Variants in COL4A4 observed in about 807,000 individuals in gnomAD.
COL4A4 encodes the protein collagen alpha-4(IV) chain.
In COL4A4, 105 loss-of-function variants were observed where a neutral mutation model predicts 192.9. The ratio of observed to expected loss-of-function variants is 0.54; its 90% CI spans 0.46 to 0.64. The LOEUF (loss-of-function observed/expected upper bound fraction) is 0.64, where lower values mean the gene tolerates loss of function less well. Among genes scored for constraint, COL4A4 ranks in the 30% least tolerant of loss-of-function variants. COL4A4 has a pLI of 0.00. For synonymous variants in COL4A4, 762 were observed against 769.9 expected (o/e 0.99, Z 0.17); for missense variants, 1,967 against 2,169.3 (o/e 0.91, Z 1.85).
At chr2:227,071,701 C>G (rs2058734170) in intron 25 of COL4A4, among the ~76,000 whole-genome samples, 1 of 152,086 alleles carries the variant, frequency 6.6e-6, no homozygotes, top group South Asian at 2.1e-4. Flanking sequence ...CAAGTATCTT[C>G]TCAGACCACA....
downstream of COL4A4, among the ~76,000 whole-genome samples, chr2:227,001,309 G>A (rs1960905252): frequency 6.6e-6 from 1 of 151,954 alleles, no homozygotes; most frequent in African/African-American, 2.4e-5. Context: ...TAGCCAGGAT[G>A]GTCTTGATCT....
intron 44 of COL4A4, among the ~76,000 whole-genome samples, chr2:227,020,383 C>T (rs140185439): frequency 9.9e-5 from 15 of 152,170 alleles, no homozygotes; most frequent in African/African-American, 3.6e-4. Flanking sequence ...TCTCACGGGC[C>T]GTTAAAAAAA....
At chr2:227,112,324 A>G (rs985019994) in intron 8 of COL4A4, among the ~76,000 whole-genome samples, 25 of 150,104 alleles carry the variant, frequency 1.7e-4, no homozygotes, top group Non-Finnish European at 3.1e-4. Flanking sequence ...GCTGGAGTGC[A>G]GTGGCGCCAT....
At chr2:227,107,142 T>C (rs1182782410) in intron 12 of COL4A4, among the ~76,000 whole-genome samples, 1 of 152,192 alleles carries the variant, frequency 6.6e-6, no homozygotes, top group East Asian at 1.9e-4. Context: ...TTGGTATATT[T>C]TCATTCAGTC....
the COL4A4 span, chr2:226,995,649 C>T: frequency 1.4e-6 from 1 of 698,516 alleles, no homozygotes; most frequent in Non-Finnish European, 2.5e-6. Flanking sequence ...CTCCAGATCG[C>T]TCACATCACC....
Position 227,017,866 on chromosome 2 carries a change from T to C in COL4A4, c.4216+4182A>G, listed in dbSNP as rs1289758310. Among the ~76,000 whole-genome samples, 4 of 152,284 alleles carry C rather than the reference T, an allele frequency of 2.6e-5. No homozygotes were observed. The East Asian group carries it at 7.7e-4, about 29-fold the overall frequency. ...TTGTTACATAGGTAAACTCATGTCA[T>C]GGAGGTTTGTTGTACTGATGATTAT... On this transcript the variant is annotated intron_variant, in intron 44 of 47. Transcript: ENST00000396625.
chr2:227,104,125 G>T, intron 12 of COL4A4, 73 bp from the exon 13 acceptor site: 1 of 1,241,546 alleles, frequency 8.1e-7, no homozygotes, highest in Non-Finnish European at 1.2e-6. Context: ...CATGTATTGT[G>T]GTATAATGCT....
chr2:227,047,344 G>A (rs542266805), intron 35 of COL4A4, 131 bp downstream of exon 35: 38 of 728,230 alleles, frequency 5.2e-5, no homozygotes, highest in Admixed American at 1.8e-4. Context: ...TATATAACCC[G>A]TTTTATCTAT....
intron 18 of COL4A4, among the ~76,000 whole-genome samples, chr2:227,099,092 A>G (rs2060362745): frequency 6.6e-6 from 1 of 152,118 alleles, no homozygotes; most frequent in African/African-American, 2.4e-5. Flanking sequence ...TTTTGTTTTC[A>G]GACGGAGTCT....
rs56247709 is a variant in COL4A4 at position 227,059,421 on chromosome 2, T to A, written c.2367A>T (p.Gly789=). 8.2e-3 allele frequency: 13,206 copies of A among 1,614,062 alleles called. 76 individuals carry two copies. The highest frequency in any genetic ancestry group is 0.01 in the Non-Finnish European group (11,870 of 1,179,948). The change falls in exon 28 of 48, where the codon GGA becomes GGT. Residue 789 remains glycine, a synonymous_variant. Transcript: ENST00000396625. ...CCCTCATACCTTCAGCCCCTGGACA[T>A]CCCGGATCACCTCTGGGTCCTTTTA... The part of the protein sequence containing the change: ...PGIKGPRGDP[G]CPGAEGPAGI...
At position 227,121,093 on chromosome 2, in the gene COL4A4, C is replaced by G. The variant is rs1559677316; in HGVS notation, c.248G>C (p.Gly83Ala). The change falls in exon 5 of 48, where the codon GGA (glycine) becomes GCA (alanine). Residue 83 changes from glycine to alanine, a missense_variant. Transcript: ENST00000396625. ...TTTCTCTCCTGAAAGCCCAATGGGTCCTGGGGCTCCCAGGGGTCCAATTGG... is the reference window on the plus strand; with the variant it reads ...TTTCTCTCCTGAAAGCCCAATGGGTGCTGGGGCTCCCAGGGGTCCAATTGG... ...QGPIGPLGAP[G>A]PIGLSGEKGM... 5 of 1,614,156 alleles carry G rather than the reference C, an allele frequency of 3.1e-6. No homozygotes were observed. The highest frequency in any genetic ancestry group is 4.2e-6 in the Non-Finnish European group (5 of 1,180,020).
chr2:227,105,251 C>A (rs560984587), intron 12 of COL4A4, among the ~76,000 whole-genome samples: 1 of 131,084 alleles, frequency 7.6e-6, no homozygotes, highest in Non-Finnish European at 1.5e-5. Context: ...GGCACAATGG[C>A]GCAATCTCAG....
chr2:227,045,873 TAC>T (rs372212981), intron 35 of COL4A4, among the ~76,000 whole-genome samples: 613 of 36,148 alleles, frequency 0.017, 34 homozygotes, highest in South Asian at 0.039. Context: ...CACATATATA[TAC>T]ATATATATGT....
rs1000693755 is a variant in COL4A4, at chr2:227,054,772, A to G, written c.2717-35T>C. The G allele has an allele frequency of 2.5e-6, 4 of 1,592,592 alleles. No homozygotes were observed. The African/African-American group carries it at 5.4e-5, about 22-fold the overall frequency. ...TGAGAGCATAAAGTTTTAGGAAAAT[A>G]TTTTATTTGTTATTTATTTTTTCAG... On this transcript the variant is annotated intron_variant, in intron 30 of 47. Transcript: ENST00000396625.
intron 34 of COL4A4, among the ~76,000 whole-genome samples, chr2:227,048,829 A>G (rs144703724): frequency 6.6e-6 from 1 of 152,360 alleles, no homozygotes; most frequent in African/African-American, 2.4e-5. Context: ...CCCCAAAGTT[A>G]TAAAATATCA....
At position 227,108,442 on chromosome 2, in the gene COL4A4, C is replaced by T. The variant is rs971597534; in HGVS notation, c.735+139G>A. 17 of 791,384 alleles carry T rather than the reference C, an allele frequency of 2.1e-5. No homozygotes were observed. The African/African-American group carries it at 2.4e-4, about 11-fold the overall frequency. The allele number at this position is 791,384 out of a possible 1,614,324, so 49.0% of individuals were successfully genotyped here. ...CAAGGGTAATGGTGCCATAATAATTCGGCAAAGAAAAGTTCTCAGCCATAA... is the reference window on the plus strand; with the variant it reads ...CAAGGGTAATGGTGCCATAATAATTTGGCAAAGAAAAGTTCTCAGCCATAA... On this transcript the variant is annotated intron_variant, in intron 12 of 47. Coordinates refer to ENST00000396625, the MANE Select transcript of COL4A4 (RefSeq NM_000092.5).
chr2:226,971,840 A>G, the COL4A4 span, among the ~76,000 whole-genome samples: 3 of 152,072 alleles, frequency 2.0e-5, no homozygotes, highest in African/African-American at 7.2e-5. Flanking sequence ...CCTTTCTTCA[A>G]AGCTCTAGAA....
intron 23 of COL4A4, 29 bp downstream of exon 23, chr2:227,082,086 C>A (rs762009038): frequency 1.3e-6 from 2 of 1,590,298 alleles, no homozygotes; most frequent in South Asian, 1.1e-5. Context: ...CATAAAATGG[C>A]AGGGAGTTAA....
In COL4A4 at chr2:227,008,053, A is replaced by G. The variant is rs780283211; in HGVS notation, c.4774T>C (p.Trp1592Arg). 1.9e-6 allele frequency: 3 copies of G among 1,613,668 alleles called. No individual in the cohort carries two copies. The Admixed American group carries it at 5.0e-5, about 27-fold the overall frequency. Residue 1592 changes from tryptophan to arginine, a missense_variant, in exon 47 of 48, where the codon TGG (tryptophan) becomes CGG (arginine). Trp to Arg is a moderately radical substitution (Grantham distance 101). Transcript: ENST00000396625. ...DQSIPPCPQTWRSLWIGYSFL... is the reference protein window; with the variant it reads ...DQSIPPCPQTRRSLWIGYSFL... ...GAATACCCGATCCAGAGGCTCCTCC[A>G]GGTCTGCGGACATGGGGGGATGGAC... is the stretch of plus-strand genomic sequence containing the variant.
Sources: gnomAD v4.1 joint callset for allele counts (sites outside exome capture counted in the v4.1 genomes callset) on GRCh38, gnomAD v4.1.1 for gene constraint, MANE v1.5 for transcripts, NCBI Gene and HGNC (gene_info 2026-07-23, HGNC 2026-07-21) for gene names.